SPMIP2: variants seen among roughly 807,000 people sequenced by gnomAD.
SPMIP2 encodes protein SPMIP2.
At chr4:159,033,278 T>C in the SPMIP2 span, among the ~76,000 whole-genome samples, 4 of 151,382 alleles carry the variant, frequency 2.6e-5, no homozygotes, top group African/African-American at 9.7e-5. Flanking sequence ...AGATCAGTGG[T>C]TGCCAGGAGC....
At chr4:159,057,994 A>G in the SPMIP2 span, among the ~76,000 whole-genome samples, 1 of 152,114 alleles carries the variant, frequency 6.6e-6, no homozygotes, top group South Asian at 2.1e-4. Context: ...CCTCCCAAGT[A>G]GCTGGGATCC....
chr4:158,920,021 CCT>C, the SPMIP2 span, among the ~76,000 whole-genome samples: 1 of 152,268 alleles, frequency 6.6e-6, no homozygotes, highest in Admixed American at 6.5e-5. Context: ...AGCACCATCC[CCT>C]GTTGCGGGAA....
chr4:158,991,325 C>T, the SPMIP2 span, among the ~76,000 whole-genome samples: 1 of 152,170 alleles, frequency 6.6e-6, no homozygotes, highest in Non-Finnish European at 1.5e-5. Context: ...TTGCCTCAGT[C>T]CTTTCTGGCT....
chr4:159,047,184 C>G, the SPMIP2 span, among the ~76,000 whole-genome samples: 1 of 152,100 alleles, frequency 6.6e-6, no homozygotes, highest in South Asian at 2.1e-4. Context: ...AAAATCTAAT[C>G]TTGTGCATTT....
At chr4:159,029,812 AT>A in the SPMIP2 span, among the ~76,000 whole-genome samples, 1 of 152,122 alleles carries the variant, frequency 6.6e-6, no homozygotes, top group African/African-American at 2.4e-5. Context: ...AAAAGAGAAC[AT>A]TTTTTTCATG....
chr4:159,051,807 A>G, the SPMIP2 span, among the ~76,000 whole-genome samples: 1 of 152,216 alleles, frequency 6.6e-6, no homozygotes, highest in Admixed American at 6.5e-5. Context: ...GTGCTGAAAT[A>G]TAGTAAACGA....
chr4:159,062,371 T>C, the SPMIP2 span, among the ~76,000 whole-genome samples: 1 of 152,206 alleles, frequency 6.6e-6, no homozygotes, highest in African/African-American at 2.4e-5. Context: ...ACACCTATCA[T>C]ATGCTAGCCA....
the SPMIP2 span, among the ~76,000 whole-genome samples, chr4:158,949,229 C>T: frequency 6.6e-6 from 1 of 152,204 alleles, no homozygotes; most frequent in African/African-American, 2.4e-5. Flanking sequence ...TATTAATAGA[C>T]TGGCCTGCTT....
the SPMIP2 span, among the ~76,000 whole-genome samples, chr4:159,042,121 C>A: frequency 5.9e-5 from 9 of 152,300 alleles, no homozygotes; most frequent in Non-Finnish European, 1.0e-4. Context: ...AACTTCCCAG[C>A]CTGTGAGTGC....
At chr4:158,976,229 G>A in the SPMIP2 span, among the ~76,000 whole-genome samples, 130 of 152,264 alleles carry the variant, frequency 8.5e-4, 2 homozygotes, top group East Asian at 9.5e-3. Flanking sequence ...CATGTCATCT[G>A]CAAAGAGAGA....
the SPMIP2 span, among the ~76,000 whole-genome samples, chr4:158,964,222 C>T: frequency 6.6e-6 from 1 of 151,824 alleles, no homozygotes; most frequent in African/African-American, 2.4e-5. Flanking sequence ...AGTGAGGTGC[C>T]TGGGTGGCCT....
chr4:158,910,704 T>TC, the SPMIP2 span, among the ~76,000 whole-genome samples: 6 of 152,260 alleles, frequency 3.9e-5, no homozygotes, highest in African/African-American at 1.4e-4. Context: ...AGACTGAAGA[T>TC]CCCCCAGGGA....
At chr4:158,991,562 T>C in the SPMIP2 span, among the ~76,000 whole-genome samples, 95,743 of 152,018 alleles carry the variant, frequency 0.63, 30,513 homozygotes, top group Middle Eastern at 0.71. Flanking sequence ...TTTTCACAGC[T>C]TCCTAATCAC....
At chr4:159,003,449 T>A in the SPMIP2 span, among the ~76,000 whole-genome samples, 30 of 152,332 alleles carry the variant, frequency 2.0e-4, no homozygotes, top group Middle Eastern at 3.4e-3. Context: ...ACCGGACACA[T>A]AATAGATGCC....
At chr4:158,944,847 C>A in the SPMIP2 span, among the ~76,000 whole-genome samples, 1 of 152,184 alleles carries the variant, frequency 6.6e-6, no homozygotes, top group Non-Finnish European at 1.5e-5. Flanking sequence ...CTCCTCTAGG[C>A]CACTATCATT....
chr4:158,922,033 G>A, the SPMIP2 span, among the ~76,000 whole-genome samples: 1,099 of 151,846 alleles, frequency 7.2e-3, 12 homozygotes, highest in Middle Eastern at 0.017. Context: ...GACTACAGGC[G>A]CCTGCCACCA....
the SPMIP2 span, among the ~76,000 whole-genome samples, chr4:159,044,304 G>A: frequency 3.3e-5 from 5 of 149,540 alleles, no homozygotes; most frequent in Non-Finnish European, 5.9e-5. Flanking sequence ...AGGAAGTGGA[G>A]GTTGCAGTGA....
At chr4:159,011,961 C>G in the SPMIP2 span, among the ~76,000 whole-genome samples, 1 of 150,828 alleles carries the variant, frequency 6.6e-6, no homozygotes, top group African/African-American at 2.4e-5. Flanking sequence ...GAGGCTGAGG[C>G]AGGAGAATCA....
the SPMIP2 span, among the ~76,000 whole-genome samples, chr4:159,081,338 C>T: frequency 1.1e-4 from 17 of 152,012 alleles, no homozygotes; most frequent in South Asian, 2.9e-3. Flanking sequence ...CATGGCCAGC[C>T]GATTTTTTTC....
Sources: allele counts gnomAD v4.1 joint callset (sites outside exome capture counted in the v4.1 genomes callset), GRCh38; gene constraint gnomAD v4.1.1; transcripts MANE v1.5; gene names NCBI Gene and HGNC (gene_info 2026-07-23, HGNC 2026-07-21).